The following AAGAB variants were observed in gnomAD, a reference collection of about 807,000 sequenced individuals.
AAGAB encodes the protein alpha and gamma adaptin binding protein.
A neutral mutation model predicts 44.1 loss-of-function variants in AAGAB; 38 were observed. The observed-to-expected ratio is 0.86, with a 90% confidence interval of 0.67 to 1.13. The LOEUF (loss-of-function observed/expected upper bound fraction) is 1.13. Ranked by LOEUF, AAGAB falls within the 50% of genes most tolerant of loss-of-function variation. The pLI is 0.00. For missense variants in AAGAB, 450 were observed against 373.8 expected (o/e 1.20, Z -1.68); for synonymous variants, 131 against 131.8 (o/e 0.99, Z 0.04).
At chr15:67,214,978 A>G (rs766469484) in intron 5 of AAGAB, among the ~76,000 whole-genome samples, 1 of 151,664 alleles carries the variant, frequency 6.6e-6, no homozygotes, top group Non-Finnish European at 1.5e-5. Flanking sequence ...AAAGATTTTC[A>G]ATGAAAAAAA....
rs144092726 is a variant in AAGAB at position 67,213,809 on chromosome 15, A to G, written c.536-4265T>C. On this transcript the variant is annotated intron_variant, in intron 5 of 9. Transcript: ENST00000261880. Reference sequence around the variant, plus strand: ...ATTTACTAAGTGCTAAATATGTGCAAGGTAATATTTTAGGTACTTACAATG... The same window carrying G: ...ATTTACTAAGTGCTAAATATGTGCAGGGTAATATTTTAGGTACTTACAATG... Among the ~76,000 whole-genome samples, 251 of 152,374 alleles carry G rather than the reference A, an allele frequency of 1.6e-3. 4 individuals are homozygous for G. The South Asian group carries it at 0.025, about 15-fold the overall frequency.
chr15:67,236,653 C>T lies in AAGAB; in HGVS notation c.241G>A (p.Val81Met), dbSNP rs1413293897. ...ACTTGTGTGCTGTCAAAGTAAACCA[C>T]AAATGCTTGGACAGATTCTGCAATC... ...AEIAESVQAF[V>M]VYFDSTQKSG... Residue 81 changes from valine (V) to methionine (M), a missense_variant, in exon 2 of 10, where the codon GTG becomes ATG. Physicochemically the swap from Val to Met is conservative, Grantham distance 21. Coordinates refer to ENST00000261880, the MANE Select transcript of AAGAB (RefSeq NM_024666.5). 11 of 1,613,558 alleles carry T rather than the reference C, an allele frequency of 6.8e-6. No individual in the cohort carries two copies. The highest frequency in any genetic ancestry group is 2.2e-5 in the South Asian group (2 of 90,790).
intron 7 of AAGAB, among the ~76,000 whole-genome samples, chr15:67,207,730 A>G (rs1963717900): frequency 6.6e-6 from 1 of 152,138 alleles, no homozygotes; most frequent in South Asian, 2.1e-4. Flanking sequence ...GTCCCCACCC[A>G]CTTCAGTGTG....
At chr15:67,240,518 C>A (rs141947059) in intron 1 of AAGAB, among the ~76,000 whole-genome samples, 2,347 of 152,310 alleles carry the variant, frequency 0.015, 24 homozygotes, top group Middle Eastern at 0.034. Flanking sequence ...CTACAAACTC[C>A]ATTTCACAGC....
intron 5 of AAGAB, among the ~76,000 whole-genome samples, chr15:67,218,006 A>T (rs1352129880): frequency 6.6e-6 from 1 of 152,244 alleles, no homozygotes; most frequent in Non-Finnish European, 1.5e-5. Context: ...CAACAGAAAG[A>T]ATTATTGTTT....
intron 5 of AAGAB, among the ~76,000 whole-genome samples, chr15:67,213,211 A>G (rs551047596): frequency 9.2e-5 from 14 of 152,306 alleles, no homozygotes; most frequent in African/African-American, 3.4e-4. Context: ...CAGTGGATGC[A>G]TGGATAAAAA....
At chr15:67,214,503 C>T (rs1174240765) in intron 5 of AAGAB, among the ~76,000 whole-genome samples, 1 of 152,130 alleles carries the variant, frequency 6.6e-6, no homozygotes, top group Non-Finnish European at 1.5e-5. Flanking sequence ...TCCTGTGCAT[C>T]CCCTGCCTCT....
At chr15:67,251,148 A>G (rs1199441900) in intron 1 of AAGAB, among the ~76,000 whole-genome samples, 1 of 152,140 alleles carries the variant, frequency 6.6e-6, no homozygotes, top group Non-Finnish European at 1.5e-5. Flanking sequence ...AAAAAGAAAA[A>G]GTTTCTAATG....
Position 67,253,272 on chromosome 15 carries a change from G to GT in AAGAB, c.73+1286_73+1287insA, listed in dbSNP as rs1160954057. 5.5e-5 allele frequency among the ~76,000 whole-genome samples: 8 copies of GT among 146,290 alleles called. 1 individual carries two copies. Among genetic ancestry groups the GT allele is most frequent in the African/African-American group, 2.1e-4 (8 of 37,786 alleles). On this transcript the variant is annotated intron_variant, in intron 1 of 9. Coordinates refer to ENST00000261880, the MANE Select transcript of AAGAB (RefSeq NM_024666.5). ...AAACCCCGTATGACGGGGGGGGGGG[G>GT]GGGCAATTAGCCGGGCGTGGTGGCA...
At chr15:67,233,641 C>G (rs1420357143) in intron 4 of AAGAB, among the ~76,000 whole-genome samples, 1 of 152,214 alleles carries the variant, frequency 6.6e-6, no homozygotes, top group Non-Finnish European at 1.5e-5. Context: ...TGAACCCAGG[C>G]TCTGCCACTT....
At chr15:67,239,213 G>A (rs893666805) in intron 1 of AAGAB, among the ~76,000 whole-genome samples, 6 of 151,958 alleles carry the variant, frequency 3.9e-5, no homozygotes, top group African/African-American at 1.5e-4. Flanking sequence ...TGCTTTCTTT[G>A]CTCCTCGACA....
chr15:67,239,579 T>C (rs1964548289), intron 1 of AAGAB, among the ~76,000 whole-genome samples: 3 of 152,218 alleles, frequency 2.0e-5, no homozygotes, highest in South Asian at 4.1e-4. Flanking sequence ...AACAAGTTGA[T>C]AGCTCAATTT....
At chr15:67,215,255 C>T (rs1169357226) in intron 5 of AAGAB, among the ~76,000 whole-genome samples, 2 of 152,140 alleles carry the variant, frequency 1.3e-5, no homozygotes, top group African/African-American at 2.4e-5. Flanking sequence ...TCTTCTACAC[C>T]GCACAGCCTC....
chr15:67,243,511 T>C (rs749344387), intron 1 of AAGAB, among the ~76,000 whole-genome samples: 8 of 152,170 alleles, frequency 5.3e-5, no homozygotes, highest in Non-Finnish European at 1.0e-4. Context: ...TTAGACATTT[T>C]TGGTCATCAC....
intron 5 of AAGAB, among the ~76,000 whole-genome samples, chr15:67,229,963 C>T (rs1278626860): frequency 6.6e-6 from 1 of 152,032 alleles, no homozygotes; most frequent in Non-Finnish European, 1.5e-5. Context: ...TCTCCTGCCT[C>T]AGCCTCCTGA....
At chr15:67,252,211 G>A (rs990493392) in intron 1 of AAGAB, among the ~76,000 whole-genome samples, 7 of 152,310 alleles carry the variant, frequency 4.6e-5, no homozygotes, top group African/African-American at 1.7e-4. Flanking sequence ...CATGTTTGCC[G>A]ATTGGGATCA....
intron 5 of AAGAB, among the ~76,000 whole-genome samples, chr15:67,216,170 A>G (rs8027567): frequency 0.99 from 149,914 of 152,160 alleles, 73,889 homozygotes; most frequent in Non-Finnish European, 1. Context: ...TAGGCCAGGC[A>G]CGGTGGCTCA....
intron 5 of AAGAB, among the ~76,000 whole-genome samples, chr15:67,213,300 G>T (rs557376853): frequency 1.3e-5 from 2 of 152,172 alleles, no homozygotes; most frequent in African/African-American, 4.8e-5. Flanking sequence ...CAAAACTATA[G>T]CCTCTAGAAT....
chr15:67,224,523 A>G (rs1595993539), intron 5 of AAGAB, among the ~76,000 whole-genome samples: 1 of 152,114 alleles, frequency 6.6e-6, no homozygotes, highest in Non-Finnish European at 1.5e-5. Context: ...ATGACTCCAT[A>G]TTAAACATAG....
Sources: allele counts gnomAD v4.1 joint callset (sites outside exome capture counted in the v4.1 genomes callset), GRCh38; gene constraint gnomAD v4.1.1; transcripts MANE v1.5; gene names NCBI Gene and HGNC (gene_info 2026-07-23, HGNC 2026-07-21).